ARL15: variants seen among roughly 807,000 people sequenced by gnomAD.
The protein encoded by ARL15 is ARF like GTPase 15.
ARL15 carries 19 observed loss-of-function variants against 25.2 expected under a neutral mutation model. That is an observed-to-expected ratio of 0.75 (90% CI 0.53 to 1.10). The LOEUF (loss-of-function observed/expected upper bound fraction) is 1.10, where lower values mean the gene tolerates loss of function less well. Ranked by LOEUF, ARL15 falls within the 50% of genes least tolerant of loss-of-function variation. The pLI, the probability that ARL15 is intolerant of heterozygous loss-of-function variation, is 0.00. For missense variants in ARL15, 220 were observed against 246.0 expected (o/e 0.89, Z 0.71); for synonymous variants, 94 against 86.8 (o/e 1.08, Z -0.46).
chr5:54,198,295 G>A (rs541135030), intron 1 of ARL15, among the ~76,000 whole-genome samples: 1 of 152,278 alleles, frequency 6.6e-6, no homozygotes, highest in Admixed American at 6.5e-5. Flanking sequence ...GTTCTGGCCG[G>A]GGCAATCAGG....
chr5:54,197,123 G>GT (rs539582872), intron 1 of ARL15, among the ~76,000 whole-genome samples: 2,936 of 148,462 alleles, frequency 0.02, 42 homozygotes, highest in Non-Finnish European at 0.027. Flanking sequence ...TTTTCAGTTT[G>GT]TTTTTTTTTT....
At chr5:54,151,582 T>A (rs767313514) in intron 3 of ARL15, among the ~76,000 whole-genome samples, 5 of 151,978 alleles carry the variant, frequency 3.3e-5, no homozygotes, top group Non-Finnish European at 5.9e-5. Context: ...TTTTAAGAAT[T>A]TTTCAGGAAA....
chr5:53,964,479 C>T (rs1747481527), intron 4 of ARL15, among the ~76,000 whole-genome samples: 1 of 152,124 alleles, frequency 6.6e-6, no homozygotes, highest in Non-Finnish European at 1.5e-5. Context: ...CCTGCCTCAG[C>T]CTCCCTAGTA....
At chr5:53,919,699 A>G (rs1745782828) in intron 4 of ARL15, among the ~76,000 whole-genome samples, 1 of 152,068 alleles carries the variant, frequency 6.6e-6, no homozygotes, top group South Asian at 2.1e-4. Flanking sequence ...GAACAAGGGG[A>G]GGCAGATAGA....
At chr5:54,263,515 G>C (rs534529433) in intron 1 of ARL15, among the ~76,000 whole-genome samples, 13 of 152,234 alleles carry the variant, frequency 8.5e-5, no homozygotes, top group African/African-American at 3.1e-4. Flanking sequence ...GAAGATGCAT[G>C]TATGTATGCT....
intron 1 of ARL15, among the ~76,000 whole-genome samples, chr5:54,198,133 A>C (rs1261864098): frequency 6.6e-6 from 1 of 152,218 alleles, no homozygotes; most frequent in Admixed American, 6.5e-5. Flanking sequence ...TTAGGTATTG[A>C]TGGGACTTAT....
At chr5:53,957,218 A>C (rs1043888629) in intron 4 of ARL15, among the ~76,000 whole-genome samples, 4 of 152,180 alleles carry the variant, frequency 2.6e-5, no homozygotes, top group Non-Finnish European at 5.9e-5. Context: ...AGATGAGAGA[A>C]GGAATTTACC....
chr5:54,150,020 C>T (rs1266763007), intron 3 of ARL15, among the ~76,000 whole-genome samples: 1 of 152,102 alleles, frequency 6.6e-6, no homozygotes, highest in Non-Finnish European at 1.5e-5. Context: ...GTGAAAGGGC[C>T]TAAATGGATA....
intron 1 of ARL15, among the ~76,000 whole-genome samples, chr5:54,181,623 G>C (rs1015527795): frequency 2.0e-5 from 3 of 152,156 alleles, no homozygotes; most frequent in Non-Finnish European, 4.4e-5. Context: ...GAAGGGTCAG[G>C]ACATGAAAAC....
At chr5:54,285,266 TAA>T (rs936671701) in intron 1 of ARL15, 25 of 629,216 alleles carry the variant, frequency 4.0e-5, no homozygotes, top group East Asian at 1.4e-4. Context: ...ACAATCTGTT[TAA>T]GAGAGGTCTA....
chr5:54,254,230 C>T (rs575781820), intron 1 of ARL15, among the ~76,000 whole-genome samples: 7 of 152,284 alleles, frequency 4.6e-5, no homozygotes, highest in Admixed American at 1.3e-4. Context: ...TCAACTAACA[C>T]GGAGGAATAG....
rs1328493934 is a variant in ARL15 at position 53,895,155 on chromosome 5, G to C, written c.463-8442C>G. 2.0e-5 allele frequency among the ~76,000 whole-genome samples: 3 copies of C among 152,178 alleles called. No homozygotes were observed. The East Asian group carries it at 5.8e-4, about 29-fold the overall frequency. Reference sequence around the variant, plus strand: ...GTAGCCTTCTGCTTTGTCTAGCAGGGAGGCCCAAGGAGTGCTTGGGAGGAG... The same window carrying C: ...GTAGCCTTCTGCTTTGTCTAGCAGGCAGGCCCAAGGAGTGCTTGGGAGGAG... On this transcript the variant is annotated intron_variant, in intron 4 of 4. Transcript: ENST00000504924.
At chr5:54,177,569 T>G (rs988219873) in intron 1 of ARL15, among the ~76,000 whole-genome samples, 1 of 152,208 alleles carries the variant, frequency 6.6e-6, no homozygotes, top group African/African-American at 2.4e-5. Flanking sequence ...AAGGTATTTA[T>G]TTCCCCAACA....
At chr5:53,995,847 T>C (rs1748652005) in intron 4 of ARL15, among the ~76,000 whole-genome samples, 1 of 152,072 alleles carries the variant, frequency 6.6e-6, no homozygotes, top group African/African-American at 2.4e-5. Flanking sequence ...GGCAAAAAAG[T>C]ACTTTCTCCA....
At chr5:54,197,734 C>G (rs1201420350) in intron 1 of ARL15, among the ~76,000 whole-genome samples, 1 of 152,094 alleles carries the variant, frequency 6.6e-6, no homozygotes, top group Non-Finnish European at 1.5e-5. Context: ...GGAGCTGGTA[C>G]CATTCCTTCT....
intron 4 of ARL15, among the ~76,000 whole-genome samples, chr5:54,075,314 G>A (rs973077536): frequency 6.6e-6 from 1 of 152,076 alleles, no homozygotes. Context: ...CTTTCCCCAG[G>A]TAGACGTGAA....
chr5:54,071,401 T>C (rs1230898496), intron 4 of ARL15, among the ~76,000 whole-genome samples: 1 of 151,166 alleles, frequency 6.6e-6, no homozygotes, highest in East Asian at 2.0e-4. Context: ...ATCACTCCCA[T>C]AAGATTTCAA....
rs187910539 is a variant in ARL15 at position 54,136,253 on chromosome 5, C to T, written c.253+18327G>A. 1.6e-3 allele frequency among the ~76,000 whole-genome samples: 251 copies of T among 152,146 alleles called. 2 individuals carry two copies. Among genetic ancestry groups the T allele is most frequent in the Admixed American group, 8.1e-3 (124 of 15,274 alleles). ...TAATGGATAATGTATATTTAATATG[C>T]GATTTTCTAATCATCCTTCAAATAC... On this transcript the variant is annotated intron_variant, in intron 3 of 4. Transcript: ENST00000504924.
At chr5:54,290,635 T>C (rs942991136) in intron 1 of ARL15, among the ~76,000 whole-genome samples, 1 of 152,112 alleles carries the variant, frequency 6.6e-6, no homozygotes. Flanking sequence ...TCAATAATAT[T>C]TAATATTTTT....
Sources: gnomAD v4.1 joint callset for allele counts (sites outside exome capture counted in the v4.1 genomes callset) on GRCh38, gnomAD v4.1.1 for gene constraint, MANE v1.5 for transcripts, NCBI Gene and HGNC (gene_info 2026-07-23, HGNC 2026-07-21) for gene names.